ANAPC10: variants seen among roughly 807,000 people sequenced by gnomAD.
ANAPC10 encodes the protein anaphase promoting complex subunit 10.
In ANAPC10, 12 loss-of-function variants were observed where a neutral mutation model predicts 22.0. That is an observed-to-expected ratio of 0.55 (90% CI 0.35 to 0.88). ANAPC10 has a LOEUF of 0.88. ANAPC10 is among the 40% of genes least tolerant of loss of function. The probability of loss-of-function intolerance (pLI) is 0.01; values close to 1 mark genes in which losing one functional copy is unlikely to be tolerated. For missense variants in ANAPC10, 188 were observed against 220.9 expected, an observed-to-expected ratio of 0.85 and a Z score of 0.94; for synonymous variants, 65 against 69.5, an observed-to-expected ratio of 0.94 and a Z score of 0.32.
At chr4:145,074,901 C>T (rs781293359) in intron 3 of ANAPC10, among the ~76,000 whole-genome samples, 3 of 152,200 alleles carry the variant, frequency 2.0e-5, no homozygotes, top group Non-Finnish European at 4.4e-5. Context: ...TACAAAACAT[C>T]TAATTCCTCC....
At chr4:145,012,160 G>GTATA (rs772054364) in intron 4 of ANAPC10, among the ~76,000 whole-genome samples, 6 of 133,950 alleles carry the variant, frequency 4.5e-5, no homozygotes, top group Admixed American at 7.7e-5. Flanking sequence ...CAAGCTATAT[G>GTATA]TATATGTGTG....
chr4:145,046,527 C>A (rs144524460), intron 4 of ANAPC10, among the ~76,000 whole-genome samples: 1 of 151,886 alleles, frequency 6.6e-6, no homozygotes, highest in African/African-American at 2.4e-5. Flanking sequence ...TTTGACACAA[C>A]GGATAAAGAT....
chr4:145,085,578 AAT>A (rs1746768991), intron 2 of ANAPC10, among the ~76,000 whole-genome samples: 1 of 152,130 alleles, frequency 6.6e-6, no homozygotes, highest in Admixed American at 6.5e-5. Context: ...CACAAATCTG[AAT>A]AATTTATTCA....
intron 4 of ANAPC10, among the ~76,000 whole-genome samples, chr4:145,058,516 G>A (rs977024371): frequency 4.6e-5 from 7 of 152,110 alleles, no homozygotes; most frequent in African/African-American, 1.7e-4. Flanking sequence ...GTGCTCAAAG[G>A]CAGAAACTGT....
At chr4:145,025,646 A>C (rs368177513) in intron 4 of ANAPC10, among the ~76,000 whole-genome samples, 21 of 152,320 alleles carry the variant, frequency 1.4e-4, no homozygotes, top group Middle Eastern at 3.4e-3. Context: ...AGATGACCGT[A>C]ACAGGTATAA....
intron 4 of ANAPC10, among the ~76,000 whole-genome samples, chr4:145,044,853 T>G (rs1740059623): frequency 6.6e-6 from 1 of 152,022 alleles, no homozygotes; most frequent in South Asian, 2.1e-4. Flanking sequence ...TTCCCCCAAA[T>G]TGGTGGTATA....
At chr4:145,078,939 GGAAATACCTA>G (rs1416322593) in intron 3 of ANAPC10, among the ~76,000 whole-genome samples, 1 of 152,100 alleles carries the variant, frequency 6.6e-6, no homozygotes, top group Non-Finnish European at 1.5e-5. Flanking sequence ...AGAAAACCTA[GGAAATACCTA>G]GAAATACCTA....
At chr4:145,097,838 G>C (rs973600432) in intron 1 of ANAPC10, 4 of 330,186 alleles carry the variant, frequency 1.2e-5, no homozygotes, top group Admixed American at 8.5e-5. Context: ...CCACCAAGTG[G>C]ATAAAATATG....
At position 145,064,600 on chromosome 4, in the gene ANAPC10, T is replaced by C. The variant is rs761610901; in HGVS notation, c.299A>G (p.Asn100Ser). The C allele has an allele frequency of 3.1e-6, 5 of 1,607,480 alleles. No individual in the cohort carries two copies. In the South Asian group the frequency reaches 4.5e-5, roughly 14 times the overall value. ...AATTTCTTGAAGGTTGTGAAAATTA[T>C]TTCCTACTCTGACTGAGATCTTGCT... ...TPSKISVRVG[N>S]NFHNLQEIRQ... The change falls in exon 4 of 5, where the codon AAT becomes AGT. Residue 100 changes from asparagine (N) to serine (S), a missense_variant. Transcript: ENST00000507656.
intron 4 of ANAPC10, among the ~76,000 whole-genome samples, chr4:145,038,155 G>A (rs1738893254): frequency 6.6e-6 from 1 of 151,974 alleles, no homozygotes; most frequent in Admixed American, 6.6e-5. Context: ...GCAACATAGT[G>A]AGACCCTATC....
chr4:145,059,625 T>A (rs1187704848), intron 4 of ANAPC10, among the ~76,000 whole-genome samples: 3 of 152,116 alleles, frequency 2.0e-5, no homozygotes, highest in Non-Finnish European at 2.9e-5. Context: ...GTTTCTCATA[T>A]AACAATATAG....
Position 145,096,096 on chromosome 4 carries a change from T to C in ANAPC10, c.4A>G (p.Thr2Ala), listed in dbSNP as rs1417038704. 6.2e-7 allele frequency: 1 copy of C among 1,613,834 alleles called. No homozygotes were observed. The highest frequency in any genetic ancestry group is 1.7e-5 in the Admixed American group (1 of 59,968). M[T>A]TPNKTPPGAD... ...CCAGGAGGTGTCTTGTTTGGTGTAG[T>C]CATTTTTAAAATATTCTATGTAGAA... The change falls in exon 2 of 5, where the codon ACT (threonine) becomes GCT (alanine). Residue 2 changes from threonine to alanine, a missense_variant. By Grantham distance (58) the Thr-to-Ala change is moderately conservative (BLOSUM62 0). Coordinates refer to ENST00000507656, the MANE Select transcript of ANAPC10 (RefSeq NM_001256706.2).
chr4:145,074,649 T>C (rs545804683), intron 3 of ANAPC10, among the ~76,000 whole-genome samples: 2 of 152,346 alleles, frequency 1.3e-5, no homozygotes, highest in South Asian at 4.1e-4. Context: ...GTATTTTAAT[T>C]AGACCTAATC....
chr4:145,019,875 G>T (rs1735724874), intron 4 of ANAPC10, among the ~76,000 whole-genome samples: 1 of 151,922 alleles, frequency 6.6e-6, no homozygotes, highest in Non-Finnish European at 1.5e-5. Context: ...ACCCCTCCCA[G>T]CTTAAATCAG....
chr4:145,067,694 T>C (rs1743909798), intron 3 of ANAPC10, among the ~76,000 whole-genome samples: 2 of 152,220 alleles, frequency 1.3e-5, no homozygotes, highest in East Asian at 1.9e-4. Context: ...CTACCACAGA[T>C]ACGAGCATCT....
At chr4:145,086,563 C>A (rs971702582) in intron 2 of ANAPC10, among the ~76,000 whole-genome samples, 4 of 152,052 alleles carry the variant, frequency 2.6e-5, no homozygotes, top group Admixed American at 6.5e-5. Context: ...TGTGATAAAT[C>A]CTCTAGGTGA....
chr4:145,075,095 G>A (rs960501912), intron 3 of ANAPC10, among the ~76,000 whole-genome samples: 2 of 152,002 alleles, frequency 1.3e-5, no homozygotes, highest in African/African-American at 2.4e-5. Flanking sequence ...AGCCGACATG[G>A]AATACAACAC....
chr4:145,010,924 T>C (rs1227833994), intron 4 of ANAPC10, among the ~76,000 whole-genome samples: 1 of 152,096 alleles, frequency 6.6e-6, no homozygotes. Flanking sequence ...GAAGGCAACT[T>C]TCTGAAGGCA....
chr4:145,037,024 GTGTGTGTGTGTGTGTA>G lies in ANAPC10; in HGVS notation c.327+27532_327+27547del, dbSNP rs1404759921. ...TGTGTGTGTGTGTGTGTGTGTGTGT[GTGTGTGTGTGTGTGTA>G]TGTGTGTGCATGCATGAATGTGTGT... is the stretch of plus-strand genomic sequence containing the variant. On this transcript the variant is annotated intron_variant, in intron 4 of 4. Coordinates refer to ENST00000507656, the MANE Select transcript of ANAPC10 (RefSeq NM_001256706.2). Among the ~76,000 whole-genome samples the G allele has an allele frequency of 1.7e-4, 24 of 144,342 alleles. No homozygotes were observed. The South Asian group carries it at 1.9e-3, about 11-fold the overall frequency. 94.7% of individuals were successfully genotyped at this position (144,342 alleles called of 152,430 possible).
Sources: gnomAD v4.1 joint callset for allele counts (sites outside exome capture counted in the v4.1 genomes callset) on GRCh38, gnomAD v4.1.1 for gene constraint, MANE v1.5 for transcripts, NCBI Gene and HGNC (gene_info 2026-07-23, HGNC 2026-07-21) for gene names.